The following ATAT1 variants were observed in gnomAD, a reference collection of about 807,000 sequenced individuals.
ATAT1 encodes the protein alpha tubulin acetyltransferase 1, also known as alpha-tubulin N-acetyltransferase 1.
A neutral mutation model predicts 57.2 loss-of-function variants in ATAT1; 42 were observed. The ratio of observed to expected loss-of-function variants is 0.73; its 90% CI spans 0.57 to 0.95. ATAT1 has a LOEUF of 0.95. ATAT1 is among the 40% of genes least tolerant of loss of function. The pLI is 0.00. For synonymous variants in ATAT1, 168 were observed against 187.1 expected (o/e 0.90, Z 0.83); for missense variants, 454 against 523.7 (o/e 0.87, Z 1.30).
intron 6 of ATAT1, among the ~76,000 whole-genome samples, chr6:30,639,520 A>C (rs572251356): frequency 7.0e-6 from 1 of 142,734 alleles, no homozygotes; most frequent in African/African-American, 2.6e-5. Context: ...TCCATCGCCC[A>C]GGCTGGAGTG....
At chr6:30,640,989 A>G (rs1469297283) in intron 8 of ATAT1, among the ~76,000 whole-genome samples, 2 of 152,132 alleles carry the variant, frequency 1.3e-5, no homozygotes, top group Non-Finnish European at 2.9e-5. Context: ...CAAAATTTAA[A>G]TGTTACTTTT....
At chr6:30,633,775 G>T in intron 6 of ATAT1, 1 of 181,544 alleles carries the variant, frequency 5.5e-6, no homozygotes, top group South Asian at 1.3e-4. Context: ...GGCTGACAAC[G>T]AGGTAGATGA....
rs369632940 is a variant in ATAT1 at position 30,642,210 on chromosome 6, G to C, written c.651G>C (p.Glu217Asp). 5.6e-6 allele frequency: 9 copies of C among 1,614,070 alleles called. No homozygotes were observed. In the African/African-American group the frequency reaches 1.2e-4, roughly 22 times the overall value. ...GGAAGCTGCCACCCAAGAGAGCAGA[G>C]GGAGACATCAAGCCATACTCCTCTA... The change falls in exon 9 of 13, where the codon GAG becomes GAC. Residue 217 changes from glutamate (E) to aspartate (D), a missense_variant. By Grantham distance (45) the Glu-to-Asp change is conservative. Coordinates refer to ENST00000330083, the MANE Select transcript of ATAT1 (RefSeq NM_001031722.4).
intron 9 of ATAT1, 77 bp from the exon 10 acceptor site, chr6:30,642,691 A>G (rs1379373861): frequency 1.1e-6 from 1 of 937,700 alleles, no homozygotes; most frequent in Non-Finnish European, 1.7e-6. Flanking sequence ...CTTTTTTTCT[A>G]CCAAAACCTT....
At chr6:30,646,024 G>C in intron 11 of ATAT1, 43 bp from the exon 12 acceptor site, 1 of 1,607,348 alleles carries the variant, frequency 6.2e-7, no homozygotes, top group Non-Finnish European at 8.5e-7. Context: ...CACATTCACT[G>C]TCTACTCCTG....
chr6:30,645,200 T>C (rs986275438), intron 10 of ATAT1, among the ~76,000 whole-genome samples: 2 of 151,234 alleles, frequency 1.3e-5, no homozygotes, highest in Non-Finnish European at 2.9e-5. Context: ...ACTTCCTATT[T>C]CCCTCTGGTC....
chr6:30,642,833 G>GGGGGGGCCGCCCCCC lies in ATAT1; in HGVS notation c.754_755insGGGGGGCCGCCCCCC (p.Ala252delinsGlyGlyAlaAlaProPro). 1 of 1,537,876 alleles carries GGGGGGGCCGCCCCCC rather than the reference G, an allele frequency of 6.5e-7. No individual in the cohort carries two copies. Among genetic ancestry groups the GGGGGGGCCGCCCCCC allele is most frequent in the Non-Finnish European group, 8.7e-7 (1 of 1,145,782 alleles). On this transcript the variant is annotated protein_altering_variant, in exon 10 of 13. Coordinates refer to ENST00000330083, the MANE Select transcript of ATAT1 (RefSeq NM_001031722.4). The stretch of plus-strand genomic sequence containing the variant: ...GGCCCCTCGCCGCGCCACACCTCCA[G>GGGGGGGCCGCCCCCC]CCCACCCACCCCCCCGCTCCAGCAG...
rs370091331 is a variant in ATAT1, at chr6:30,642,820, C to T, written c.741C>T (p.Arg247=). The change falls in exon 10 of 13, where the codon CGC becomes CGT. Residue 247 remains arginine, a synonymous_variant. Transcript: ENST00000330083. ...GGCCCCTAAACAGGGCCCCTCGCCG[C>T]GCCACACCTCCAGCCCACCCACCCC... 1.5e-5 allele frequency: 24 copies of T among 1,610,724 alleles called. No homozygotes were observed. The highest frequency in any genetic ancestry group is 8.8e-5 in the South Asian group (8 of 90,852).
intron 6 of ATAT1, among the ~76,000 whole-genome samples, chr6:30,636,786 AGTG>A (rs574811105): frequency 6.6e-6 from 1 of 151,590 alleles, no homozygotes; most frequent in East Asian, 1.9e-4. Context: ...AACAGAGAGC[AGTG>A]GAAGGAGCAC....
chr6:30,643,547 G>A (rs1020051176), intron 10 of ATAT1: 3 of 1,550,480 alleles, frequency 1.9e-6, no homozygotes, highest in Non-Finnish European at 2.6e-6. Flanking sequence ...CCCGCTCTGA[G>A]GAGAGTCGAT....
At chr6:30,639,757 G>GT (rs1765011409) in intron 6 of ATAT1, among the ~76,000 whole-genome samples, 1 of 152,118 alleles carries the variant, frequency 6.6e-6, no homozygotes, top group Non-Finnish European at 1.5e-5. Context: ...GATTACAGGC[G>GT]TGAGCCACCG....
At chr6:30,638,119 G>A (rs1049136686) in intron 6 of ATAT1, among the ~76,000 whole-genome samples, 2 of 151,822 alleles carry the variant, frequency 1.3e-5, no homozygotes, top group East Asian at 2.0e-4. Flanking sequence ...CCTCGTGATC[G>A]GCCCGCCTCG....
At chr6:30,631,559 A>T (rs959167348) in intron 6 of ATAT1, among the ~76,000 whole-genome samples, 35 of 152,100 alleles carry the variant, frequency 2.3e-4, no homozygotes, top group African/African-American at 8.2e-4. Context: ...TGGGTGGATC[A>T]CTTGAGCCCA....
intron 6 of ATAT1, among the ~76,000 whole-genome samples, chr6:30,639,633 C>T (rs190339310): frequency 8.5e-4 from 129 of 152,052 alleles, no homozygotes; most frequent in Non-Finnish European, 1.0e-3. Context: ...CCCGCCACCA[C>T]ATCCGGCTAA....
At position 30,642,837 on chromosome 6, in the gene ATAT1, A is replaced by ACCCCCCC; in HGVS notation, c.761_762insCCCCCCC (p.Arg257ThrfsTer45). ...CCTCGCCGCGCCACACCTCCAGCCCACCCACCCCCCCGCTCCAGCAGCCTG... is the reference window on the plus strand; with the variant it reads ...CCTCGCCGCGCCACACCTCCAGCCCACCCCCCCCCCACCCCCCCGCTCCAGCAGCCTG... On this transcript the variant is annotated frameshift_variant, in exon 10 of 13. Transcript: ENST00000330083. LOFTEE classifies it high-confidence loss of function. The ACCCCCCC allele has an allele frequency of 6.2e-6, 2 of 320,346 alleles. No homozygotes were observed. Among genetic ancestry groups the ACCCCCCC allele is most frequent in the Non-Finnish European group, 1.0e-5 (2 of 191,752 alleles). The allele number at this position is 320,346 out of a possible 1,614,324, so 19.8% of individuals were successfully genotyped here. A position where few individuals can be genotyped will look rare whatever the true frequency, so the allele number is the denominator to read the frequency against.
chr6:30,639,683 T>G (rs1311704130), intron 6 of ATAT1, among the ~76,000 whole-genome samples: 1 of 151,970 alleles, frequency 6.6e-6, no homozygotes, highest in East Asian at 2.0e-4. Context: ...TTCACCATGT[T>G]AGCCAGGATG....
At chr6:30,641,975 G>A (rs986101946) in intron 8 of ATAT1, 4 of 1,423,152 alleles carry the variant, frequency 2.8e-6, no homozygotes, top group Admixed American at 2.8e-5. Context: ...TACTCCTTCT[G>A]GCTTTCCTCA....
At chr6:30,638,976 T>A (rs747102041) in intron 6 of ATAT1, among the ~76,000 whole-genome samples, 7 of 151,990 alleles carry the variant, frequency 4.6e-5, no homozygotes, top group East Asian at 1.9e-4. Context: ...CTGCTGAATT[T>A]TTTATTTATT....
chr6:30,642,725 T>C, intron 9 of ATAT1, 43 bp from the exon 10 acceptor site: 1 of 1,306,118 alleles, frequency 7.7e-7, no homozygotes, highest in Non-Finnish European at 1.1e-6. Flanking sequence ...CTCTTCCTTT[T>C]TTCTTCTTTT....
Sources: gnomAD v4.1 joint callset for allele counts (sites outside exome capture counted in the v4.1 genomes callset) on GRCh38, gnomAD v4.1.1 for gene constraint, MANE v1.5 for transcripts, NCBI Gene and HGNC (gene_info 2026-07-23, HGNC 2026-07-21) for gene names.